Variants in LRP11 observed in about 807,000 individuals in gnomAD.
LRP11 encodes the protein LDL receptor related protein 11.
Under a neutral mutation model 43.1 loss-of-function variants are expected in LRP11, and 25 were observed. That is an observed-to-expected ratio of 0.58 (90% CI 0.42 to 0.81). The LOEUF (loss-of-function observed/expected upper bound fraction) is 0.81, where lower values mean the gene tolerates loss of function less well. LRP11 is among the 30% of genes least tolerant of loss of function. The probability of loss-of-function intolerance (pLI) is 0.00; values close to 1 mark genes in which losing one functional copy is unlikely to be tolerated. For missense variants in LRP11, 623 were observed against 665.1 expected (o/e 0.94, Z 0.70); for synonymous variants, 316 against 299.4 (o/e 1.06, Z -0.57).
intron 4 of LRP11, among the ~76,000 whole-genome samples, chr6:149,836,868 T>C (rs1178591406): frequency 6.6e-6 from 1 of 152,024 alleles, no homozygotes; most frequent in East Asian, 1.9e-4. Context: ...AACGTAAACT[T>C]AAGGTTTTGA....
At chr6:149,829,028 T>A (rs896945199) in intron 5 of LRP11, among the ~76,000 whole-genome samples, 2 of 152,140 alleles carry the variant, frequency 1.3e-5, no homozygotes, top group African/African-American at 4.8e-5. Flanking sequence ...AAACAGTCCA[T>A]CCAGCAGCCG....
chr6:149,849,514 T>C (rs1434432215), intron 2 of LRP11, among the ~76,000 whole-genome samples: 1 of 152,118 alleles, frequency 6.6e-6, no homozygotes, highest in Non-Finnish European at 1.5e-5. Context: ...TTCAACACTT[T>C]GGGAGGCCAA....
rs1776470838 is a variant in LRP11, at chr6:149,836,293, GC to G, written c.1043del (p.Gly348AlafsTer7). ...GSDEDFCQNLGLDRKMVTHTA... is the reference protein window; with the variant it reads ...GSDEDFCQNLXLDRKMVTHTA... ...TGTGGGTTACCATCTTGCGGTCCAG[GC>G]CCACTGAAGTGTGGAAGAGCTACTG... On this transcript the variant is annotated frameshift_variant, in exon 5 of 7. Transcript: ENST00000239367. LOFTEE classifies it high-confidence loss of function. The G allele has an allele frequency of 6.2e-7, 1 of 1,613,874 alleles. No individual in the cohort carries two copies. The highest frequency in any genetic ancestry group is 8.5e-7 in the Non-Finnish European group (1 of 1,179,966).
At chr6:149,841,472 T>G (rs1487327110) in intron 3 of LRP11, among the ~76,000 whole-genome samples, 1 of 152,176 alleles carries the variant, frequency 6.6e-6, no homozygotes, top group African/African-American at 2.4e-5. Context: ...AACAGGATAT[T>G]TAAATGTACA....
At chr6:149,848,207 A>C (rs1776668327) in intron 2 of LRP11, among the ~76,000 whole-genome samples, 1 of 151,898 alleles carries the variant, frequency 6.6e-6, no homozygotes, top group South Asian at 2.1e-4. Flanking sequence ...AACAAAAAAA[A>C]CCCCACCAGA....
At position 149,826,320 on chromosome 6, in the gene LRP11, T is replaced by C. The variant is rs1554258585; in HGVS notation, c.1292A>G (p.Tyr431Cys). The change falls in exon 6 of 7, where the codon TAT becomes TGT. Residue 431 changes from tyrosine (Y) to cysteine (C), a missense_variant. By Grantham distance (194) the Tyr-to-Cys change is radical. Coordinates refer to ENST00000239367, the MANE Select transcript of LRP11 (RefSeq NM_032832.6). ...SSGKNRKEES[Y>C]IFESKGDGGG... is the part of the protein sequence containing the mutation. ...TCCATCACCCTTTGACTCAAATATA[T>C]AACTTTCCTCTTTTCTGTTCTTCCC... The C allele has an allele frequency of 9.9e-6, 16 of 1,613,742 alleles. No homozygotes were observed. Among genetic ancestry groups the C allele is most frequent in the Non-Finnish European group, 1.4e-5 (16 of 1,179,634 alleles).
intron 1 of LRP11, among the ~76,000 whole-genome samples, chr6:149,855,724 A>G (rs1776789258): frequency 6.7e-6 from 1 of 148,272 alleles, no homozygotes; most frequent in South Asian, 2.1e-4. Context: ...AAAAAAAAAC[A>G]CATTATGAGG....
In LRP11 at chr6:149,863,457, G is replaced by C. The variant is rs1263379556; in HGVS notation, c.564C>G (p.Arg188=). 3.8e-6 allele frequency: 5 copies of C among 1,330,300 alleles called. No individual in the cohort carries two copies. The allele number at this position is 1,330,300 out of a possible 1,614,324, so 82.4% of individuals were successfully genotyped here. The change falls in exon 1 of 7, where the codon CGC becomes CGG. Residue 188 remains arginine (R), a synonymous_variant. Transcript: ENST00000239367. ...TGGCCAGGGCGGCGCCGTCCGGCGC[G>C]CGGCTGAGGCTGTAGCTGCTGTAGC... ...HSGYSSYSLS[R]APDGAALATA...
intron 1 of LRP11, among the ~76,000 whole-genome samples, chr6:149,857,581 G>A (rs184882639): frequency 5.5e-4 from 83 of 151,572 alleles, no homozygotes; most frequent in Non-Finnish European, 9.9e-4. Context: ...CTTGCCTGAG[G>A]ACTGGACTGC....
chr6:149,822,342 A>T (rs1235901744), intron 6 of LRP11, among the ~76,000 whole-genome samples: 1 of 151,618 alleles, frequency 6.6e-6, no homozygotes. Flanking sequence ...CCTATCTCAA[A>T]AAAAAAAAAG....
rs536185832 is a variant in LRP11 at position 149,844,888 on chromosome 6, T to C, written c.772-1764A>G. 1.3e-4 allele frequency among the ~76,000 whole-genome samples: 20 copies of C among 152,344 alleles called. No homozygotes were observed. In the South Asian group the frequency reaches 3.5e-3, roughly 27 times the overall value. On this transcript the variant is annotated intron_variant, in intron 2 of 6. Transcript: ENST00000239367. Reference sequence around the variant, plus strand: ...AGATTACCGTGGTTGTCATATGTTATGCCACTTTAGCTAAGGTATGGATTT... The same window carrying C: ...AGATTACCGTGGTTGTCATATGTTACGCCACTTTAGCTAAGGTATGGATTT...
intron 3 of LRP11, 138 bp downstream of exon 3, chr6:149,842,845 T>C (rs1776569652): frequency 8.1e-7 from 1 of 1,228,144 alleles, no homozygotes; most frequent in Non-Finnish European, 1.1e-6. Flanking sequence ...TATTGTGTTT[T>C]TAGCAAAGAC....
intron 1 of LRP11, among the ~76,000 whole-genome samples, chr6:149,862,722 G>A (rs1489066775): frequency 6.6e-6 from 1 of 151,902 alleles, no homozygotes; most frequent in Non-Finnish European, 1.5e-5. Flanking sequence ...TGGGATTACA[G>A]GCGCATGCCA....
intron 2 of LRP11, among the ~76,000 whole-genome samples, chr6:149,846,918 A>G (rs1776640789): frequency 6.6e-6 from 1 of 151,426 alleles, no homozygotes; most frequent in Non-Finnish European, 1.5e-5. Flanking sequence ...TGGGTGACAG[A>G]GCGAGATCCT....
intron 5 of LRP11, among the ~76,000 whole-genome samples, chr6:149,835,054 G>C (rs948395327): frequency 1.1e-4 from 17 of 152,292 alleles, no homozygotes; most frequent in African/African-American, 3.8e-4. Context: ...CATTAGAAAA[G>C]CTTTTGGAAA....
intron 1 of LRP11, among the ~76,000 whole-genome samples, chr6:149,861,394 C>T (rs1367064929): frequency 6.6e-6 from 1 of 152,178 alleles, no homozygotes; most frequent in Non-Finnish European, 1.5e-5. Flanking sequence ...GCACCGCGCT[C>T]GCCTATTTTC....
chr6:149,836,388 C>T (rs1185289396), intron 4 of LRP11, 91 bp from the exon 5 acceptor site: 29 of 1,143,632 alleles, frequency 2.5e-5, no homozygotes, highest in Non-Finnish European at 3.0e-5. Context: ...TTTAAAATCA[C>T]GGATATTTGG....
chr6:149,851,412 G>T (rs1182432032), intron 2 of LRP11, among the ~76,000 whole-genome samples: 2 of 152,196 alleles, frequency 1.3e-5, no homozygotes, highest in East Asian at 3.8e-4. Context: ...GGATAGTGGC[G>T]GGCCTGAAAA....
chr6:149,849,761 T>A (rs1562444339), intron 2 of LRP11, among the ~76,000 whole-genome samples: 1 of 152,170 alleles, frequency 6.6e-6, no homozygotes, highest in Non-Finnish European at 1.5e-5. Flanking sequence ...AACGAATGAA[T>A]GAGACAAGTC....
Sources: gnomAD v4.1 joint callset for allele counts (sites outside exome capture counted in the v4.1 genomes callset) on GRCh38, gnomAD v4.1.1 for gene constraint, MANE v1.5 for transcripts, NCBI Gene and HGNC (gene_info 2026-07-23, HGNC 2026-07-21) for gene names.